IRS2: variants seen among roughly 807,000 people sequenced by gnomAD.
The protein encoded by IRS2 is insulin receptor substrate 2.
IRS2 carries 28 observed loss-of-function variants against 70.9 expected under a neutral mutation model. The ratio of observed to expected loss-of-function variants is 0.39; its 90% CI spans 0.29 to 0.54. IRS2 has a LOEUF of 0.54. IRS2 is among the 20% of genes least tolerant of loss of function. The pLI is 0.59. For synonymous variants in IRS2, 1,217 were observed against 981.9 expected (o/e 1.24, Z -4.48); for missense variants, 2,081 against 2,024.1 (o/e 1.03, Z -0.54).
intron 1 of IRS2, among the ~76,000 whole-genome samples, chr13:109,761,575 C>T (rs1274604841): frequency 7.1e-6 from 1 of 141,492 alleles, no homozygotes; most frequent in Non-Finnish European, 1.5e-5. Context: ...TAAAGCAAGA[C>T]ACTCTAAGAA....
In IRS2 at chr13:109,785,485, G is replaced by A; in HGVS notation, c.569C>T (p.Ala190Val). The change falls in exon 1 of 2, where the codon GCC becomes GTC. Residue 190 changes from alanine (A) to valine (V), a missense_variant. Around this residue, in one of 4 missense-constraint regions of IRS2, gnomAD observed 320 missense variants for 352.9 expected, o/e 0.91. Transcript: ENST00000375856. The surrounding 1 kb of genome is among the most constrained non-coding windows in gnomAD (Gnocchi z 9.3). ...AEDSYGLVAP[A>V]TAAYREVWQV... The stretch of plus-strand genomic sequence containing the variant: ...CCACACCTCACGGTAGGCGGCCGTG[G>A]CGGGAGCCACCAGCCCGTAGCTGTC... 6.2e-7 allele frequency: 1 copy of A among 1,611,620 alleles called. No homozygotes were observed.
chr13:109,765,847 C>G (rs1877326083), intron 1 of IRS2, among the ~76,000 whole-genome samples: 1 of 66,426 alleles, frequency 1.5e-5, no homozygotes, highest in African/African-American at 3.3e-5. Context: ...CAACTCCCCA[C>G]CAAGCATGTA....
At chr13:109,779,663 A>G (rs1350496865) in intron 1 of IRS2, among the ~76,000 whole-genome samples, 1 of 152,046 alleles carries the variant, frequency 6.6e-6, no homozygotes, top group Non-Finnish European at 1.5e-5. Context: ...TTTTTTTTTA[A>G]ATGTCGTTGG....
rs140108721 is a variant in IRS2, at chr13:109,756,645, C to T, written c.4013-337G>A. ...AAGGGCCAGTTCCTAGGTTGCACTG[C>T]GTGTCTGTGTGATGGAATGACCCCT... On this transcript the variant is annotated intron_variant, in intron 1 of 1. Transcript: ENST00000375856. Among the ~76,000 whole-genome samples, 23 of 152,276 alleles carry T rather than the reference C, an allele frequency of 1.5e-4. No homozygotes were observed. In the East Asian group the frequency reaches 3.5e-3, roughly 23 times the overall value.
chr13:109,769,210 A>G (rs918114777), intron 1 of IRS2, among the ~76,000 whole-genome samples: 4 of 152,080 alleles, frequency 2.6e-5, no homozygotes, highest in African/African-American at 9.7e-5. Flanking sequence ...AACCACCACC[A>G]CCCAGGGATA....
chr13:109,762,847 CAA>C (rs1184377866), intron 1 of IRS2, among the ~76,000 whole-genome samples: 1 of 152,158 alleles, frequency 6.6e-6, no homozygotes, highest in African/African-American at 2.4e-5. Context: ...TAAAAGAGAA[CAA>C]AGTTTTCTAA....
chr13:109,777,245 T>C (rs1222452930), intron 1 of IRS2, among the ~76,000 whole-genome samples: 1 of 152,144 alleles, frequency 6.6e-6, no homozygotes, highest in Non-Finnish European at 1.5e-5. Context: ...GATTCTGTGC[T>C]ACTCCCCCTA....
Position 109,783,400 on chromosome 13 carries a change from C to T in IRS2, c.2654G>A (p.Gly885Asp), listed in dbSNP as rs2138932503. The part of the protein sequence containing the change: ...GRPEGFLGQR[G>D]RAVRPTRLSL... The stretch of plus-strand genomic sequence containing the variant: ...CAGGCGCGTGGGCCTCACCGCCCGG[C>T]CGCGCTGGCCCAAGAAGCCCTCCGG... Residue 885 changes from glycine (G) to aspartate (D), a missense_variant, in exon 1 of 2, where the codon GGC becomes GAC. Around this residue, in one of 4 missense-constraint regions of IRS2, gnomAD observed 1,615 missense variants for 1,459.5 expected, o/e 1.11. Transcript: ENST00000375856. 6.8e-7 allele frequency: 1 copy of T among 1,477,262 alleles called. No individual in the cohort carries two copies. Among genetic ancestry groups the T allele is most frequent in the Admixed American group, 2.6e-5 (1 of 39,032 alleles). 91.5% of individuals were successfully genotyped at this position (1,477,262 alleles called of 1,614,324 possible). A position where few individuals can be genotyped will look rare whatever the true frequency, so the allele number is the denominator to read the frequency against.
rs375324802 is a variant in IRS2 at position 109,755,214 on chromosome 13, C to CTTTTTTTTTTTTTTTTTTTTTTTTTTT, written c.*1089_*1090insAAAAAAAAAAAAAAAAAAAAAAAAAAA. The CTTTTTTTTTTTTTTTTTTTTTTTTTTT allele has an allele frequency of 1.0e-5, 2 of 194,042 alleles. No individual in the cohort carries two copies. Among genetic ancestry groups the CTTTTTTTTTTTTTTTTTTTTTTTTTTT allele is most frequent in the African/African-American group, 2.4e-5 (1 of 41,072 alleles). The allele number at this position is 194,042 out of a possible 1,614,324, so 12.0% of individuals were successfully genotyped here. A position where few individuals can be genotyped will look rare whatever the true frequency, so the allele number is the denominator to read the frequency against. ...CTCTTTTTATCAGTTTCTTTCTTTC[C>CTTTTTTTTTTTTTTTTTTTTTTTTTTT]TTTTTTTTTTTTCTTTTTGTTTTTT... is the stretch of plus-strand genomic sequence containing the variant. On this transcript the variant is annotated 3_prime_UTR_variant, in exon 2 of 2. Coordinates refer to ENST00000375856, the MANE Select transcript of IRS2 (RefSeq NM_003749.3).
chr13:109,783,222 C>A lies in IRS2; in HGVS notation c.2832G>T (p.Ser944=). The change falls in exon 1 of 2, where the codon TCG becomes TCT. Residue 944 remains serine (S), a synonymous_variant. Transcript: ENST00000375856. ...PAPPLLASAA[S]SSSLLSASSP... ...TGCTGGCGGACAAGAGCGAGGAGGA[C>A]GAGGCCGCCGACGCCAGCAGGGGAG... 2 of 1,438,204 alleles carry A rather than the reference C, an allele frequency of 1.4e-6. No individual in the cohort carries two copies. Among genetic ancestry groups the A allele is most frequent in the Non-Finnish European group, 1.8e-6 (2 of 1,098,586 alleles). The allele number at this position is 1,438,204 out of a possible 1,614,324, so 89.1% of individuals were successfully genotyped here.
At chr13:109,774,098 G>T (rs1043687328) in intron 1 of IRS2, among the ~76,000 whole-genome samples, 2 of 151,796 alleles carry the variant, frequency 1.3e-5, no homozygotes, top group Non-Finnish European at 2.9e-5. Flanking sequence ...TATTTTTTTC[G>T]TATTGTCACC....
At chr13:109,775,050 C>T (rs902760865) in intron 1 of IRS2, among the ~76,000 whole-genome samples, 3 of 150,998 alleles carry the variant, frequency 2.0e-5, no homozygotes, top group African/African-American at 7.3e-5. Context: ...AGAATGCATA[C>T]AGAAAGCACT....
intron 1 of IRS2, among the ~76,000 whole-genome samples, chr13:109,772,604 C>G (rs1184231913): frequency 6.6e-6 from 1 of 152,064 alleles, no homozygotes; most frequent in Non-Finnish European, 1.5e-5. Context: ...GGTACTGTCT[C>G]TTGATGCTGA....
At chr13:109,769,790 T>G (rs749195636) in intron 1 of IRS2, among the ~76,000 whole-genome samples, 1 of 152,242 alleles carries the variant, frequency 6.6e-6, no homozygotes, top group African/African-American at 2.4e-5. Context: ...ATTGCTCAAA[T>G]GGATGAAGTA....
At chr13:109,769,227 CCAT>C (rs764449881) in intron 1 of IRS2, among the ~76,000 whole-genome samples, 8 of 152,190 alleles carry the variant, frequency 5.3e-5, no homozygotes, top group Non-Finnish European at 8.8e-5. Flanking sequence ...GATACCACCA[CCAT>C]GATGATGGAA....
In IRS2 at chr13:109,785,682, C is replaced by G; in HGVS notation, c.372G>C (p.Val124=). 6.3e-7 allele frequency: 1 copy of G among 1,599,186 alleles called. No homozygotes were observed. Among genetic ancestry groups the G allele is most frequent in the Non-Finnish European group, 8.5e-7 (1 of 1,176,738 alleles). ...ALYTKDEYFA[V]AAENEQEQEG... ...CCTGCTCCTGCTCGTTCTCGGCGGC[C>G]ACGGCGAAGTACTCGTCCTTGGTGT... The change falls in exon 1 of 2, where the codon GTG becomes GTC. Residue 124 remains valine (V), a synonymous_variant. Coordinates refer to ENST00000375856, the MANE Select transcript of IRS2 (RefSeq NM_003749.3). This position sits in a 1 kb window ranked among gnomAD's most constrained non-coding sequence, Gnocchi z 9.3.
At position 109,784,282 on chromosome 13, in the gene IRS2, G is replaced by A. The variant is rs751949460; in HGVS notation, c.1772C>T (p.Ser591Phe). The A allele has an allele frequency of 2.8e-5, 45 of 1,596,208 alleles. No homozygotes were observed. The highest frequency in any genetic ancestry group is 8.0e-5 in the African/African-American group (6 of 74,608). Residue 591 changes from serine to phenylalanine, a missense_variant, in exon 1 of 2, where the codon TCC becomes TTC. By Grantham distance (155) the Ser-to-Phe change is radical (BLOSUM62 -2). This residue lies in a region of IRS2 where 1,615 missense variants were observed against 1,459.5 expected (regional missense o/e 1.11). Coordinates refer to ENST00000375856, the MANE Select transcript of IRS2 (RefSeq NM_003749.3). The surrounding 1 kb of genome is among the most constrained non-coding windows in gnomAD (Gnocchi z 5.2). ...GGTGTATTCATCCAGCGAGGCAGAG[G>A]AGGGCTGGGGCACCGGCCGCTGCCG... ...PARQRPVPQP[S>F]SASLDEYTLM... is the part of the protein sequence containing the mutation.
In IRS2 at chr13:109,782,813, C is replaced by T. The variant is rs763286001; in HGVS notation, c.3241G>A (p.Ala1081Thr). 6.3e-7 allele frequency: 1 copy of T among 1,588,902 alleles called. No individual in the cohort carries two copies. ...DYTEMAFGVA[A>T]TPPQPIAAPP... ...GCCGCGATAGGTTGCGGCGGGGTGGCGGCCACACCAAAAGCCATCTCGGTG... is the reference window on the plus strand; with the variant it reads ...GCCGCGATAGGTTGCGGCGGGGTGGTGGCCACACCAAAAGCCATCTCGGTG... The change falls in exon 1 of 2, where the codon GCC (alanine) becomes ACC (threonine). Residue 1081 changes from alanine (A) to threonine (T), a missense_variant. Around this residue, in one of 4 missense-constraint regions of IRS2, gnomAD observed 1,615 missense variants for 1,459.5 expected, o/e 1.11. Coordinates refer to ENST00000375856, the MANE Select transcript of IRS2 (RefSeq NM_003749.3).
At position 109,783,702 on chromosome 13, in the gene IRS2, G is replaced by C. The variant is rs1877805031; in HGVS notation, c.2352C>G (p.Phe784Leu). ...AVTTGTPPDF[F>L]SAALHPGGEP... ...CCCCGCCGGGGTGCAGGGCTGCGGAGAAGAAGTCGGGCGGGGTGCCCGTGG... is the reference window on the plus strand; with the variant it reads ...CCCCGCCGGGGTGCAGGGCTGCGGACAAGAAGTCGGGCGGGGTGCCCGTGG... Residue 784 changes from phenylalanine (F) to leucine (L), a missense_variant, in exon 1 of 2, where the codon TTC becomes TTG. Coordinates refer to ENST00000375856, the MANE Select transcript of IRS2 (RefSeq NM_003749.3). 6.4e-7 allele frequency: 1 copy of C among 1,566,608 alleles called. No individual in the cohort carries two copies. The highest frequency in any genetic ancestry group is 8.7e-7 in the Non-Finnish European group (1 of 1,155,606).
Sources: gnomAD v4.1 joint callset for allele counts (sites outside exome capture counted in the v4.1 genomes callset) on GRCh38, gnomAD v4.1.1 for gene constraint, gnomAD v4.1.1 regional missense constraint, Gnocchi (gnomAD v3.1) non-coding constraint, MANE v1.5 for transcripts, NCBI Gene and HGNC (gene_info 2026-07-23, HGNC 2026-07-21) for gene names.